The following N4BP2L2 variants were observed in gnomAD, a reference collection of about 807,000 sequenced individuals.
N4BP2L2 encodes the protein NEDD4-binding protein 2-like 2.
In N4BP2L2, 50 loss-of-function variants were observed where a neutral mutation model predicts 56.2. The observed-to-expected ratio is 0.89, with a 90% CI of 0.71 to 1.13. N4BP2L2 has a LOEUF of 1.13. N4BP2L2 is among the 50% of genes most tolerant of loss of function. The pLI is 0.00. For missense variants in N4BP2L2, 689 were observed against 693.8 expected (o/e 0.99, Z 0.08); for synonymous variants, 203 against 223.6 (o/e 0.91, Z 0.82).
At chr13:32,484,035 A>G (rs2085343970) in intron 6 of N4BP2L2, among the ~76,000 whole-genome samples, 1 of 151,630 alleles carries the variant, frequency 6.6e-6, no homozygotes, top group Non-Finnish European at 1.5e-5. Context: ...GGCCAGGCCC[A>G]GTGGTTTACA....
intron 9 of N4BP2L2, among the ~76,000 whole-genome samples, chr13:32,435,483 C>A (rs1246252674): frequency 1.3e-5 from 2 of 152,224 alleles, no homozygotes; most frequent in Non-Finnish European, 2.9e-5. Flanking sequence ...AACTGCCTGC[C>A]TCGGCCTCCC....
chr13:32,455,563 C>G (rs183494792), intron 6 of N4BP2L2, among the ~76,000 whole-genome samples: 196 of 152,312 alleles, frequency 1.3e-3, no homozygotes, highest in African/African-American at 4.5e-3. Context: ...GGTCCCTCAG[C>G]TGTCCCAAAC....
At chr13:32,490,947 C>T (rs900906870) in intron 6 of N4BP2L2, among the ~76,000 whole-genome samples, 3 of 148,090 alleles carry the variant, frequency 2.0e-5, no homozygotes, top group African/African-American at 7.5e-5. Flanking sequence ...GGTGGAAATA[C>T]AATGTTTAGT....
intron 8 of N4BP2L2, among the ~76,000 whole-genome samples, chr13:32,436,980 A>G (rs1200492948): frequency 6.6e-6 from 1 of 151,736 alleles, no homozygotes; most frequent in Non-Finnish European, 1.5e-5. Context: ...TCCTGGGCTC[A>G]AGTGATTCTC....
At chr13:32,518,041 G>T in intron 5 of N4BP2L2, 38 bp from the exon 6 acceptor site, 2 of 1,593,838 alleles carry the variant, frequency 1.3e-6, no homozygotes, top group Non-Finnish European at 8.6e-7. Context: ...CTTTGTTGCA[G>T]AATGTACAGG....
chr13:32,494,005 G>A (rs1052304981), intron 6 of N4BP2L2, among the ~76,000 whole-genome samples: 3 of 152,174 alleles, frequency 2.0e-5, no homozygotes, highest in Non-Finnish European at 4.4e-5. Context: ...AGGAGTGGTG[G>A]CTCACGCCTT....
exon 6 of N4BP2L2, chr13:32,517,803 T>G: frequency 2.5e-6 from 4 of 1,612,654 alleles, no homozygotes; most frequent in Non-Finnish European, 3.4e-6. Flanking sequence ...ATAGCTAATT[T>G]AATGATTATT....
chr13:32,504,027 C>CT (rs2090491114), intron 6 of N4BP2L2, among the ~76,000 whole-genome samples: 1 of 152,112 alleles, frequency 6.6e-6, no homozygotes, highest in Non-Finnish European at 1.5e-5. Context: ...AAAAAAGAGT[C>CT]TTGTCTAAGA....
At chr13:32,516,973 C>T in exon 6 of N4BP2L2, 5 of 975,948 alleles carry the variant, frequency 5.1e-6, no homozygotes, top group Non-Finnish European at 4.9e-6. Context: ...ATTTGCTCTA[C>T]AGAAAAATTA....
chr13:32,505,606 A>C (rs1306509195), downstream of N4BP2L2: 1 of 152,240 alleles, frequency 6.6e-6, no homozygotes, highest in Non-Finnish European at 1.5e-5. Flanking sequence ...TCAGCTAAAC[A>C]TTCAAGTTCA....
chr13:32,450,612 C>A (rs2077801070), intron 6 of N4BP2L2, among the ~76,000 whole-genome samples: 1 of 140,918 alleles, frequency 7.1e-6, no homozygotes. Flanking sequence ...GCGTGAGCCA[C>A]TGCGCCCGGC....
chr13:32,517,453 T>G, exon 6 of N4BP2L2: 1 of 1,000,106 alleles, frequency 1.0e-6, no homozygotes, highest in Non-Finnish European at 1.2e-6. Flanking sequence ...AAAGTTAGAT[T>G]TAGATATGAA....
At chr13:32,475,775 T>C (rs1316962651) in intron 6 of N4BP2L2, among the ~76,000 whole-genome samples, 2 of 152,184 alleles carry the variant, frequency 1.3e-5, no homozygotes, top group African/African-American at 4.8e-5. Context: ...GATTCCCATA[T>C]CCCTACTATC....
At chr13:32,518,150 A>G (rs2049706949) in intron 5 of N4BP2L2, 147 bp from the exon 6 acceptor site, 1 of 775,262 alleles carries the variant, frequency 1.3e-6, no homozygotes. Flanking sequence ...TTATGTAAAA[A>G]GACTTATTAA....
intron 2 of N4BP2L2, among the ~76,000 whole-genome samples, 162 bp from the exon 3 acceptor site, chr13:32,527,694 C>T (rs760221501): frequency 1.1e-4 from 16 of 151,972 alleles, no homozygotes; most frequent in Middle Eastern, 3.4e-3. Context: ...CAGACCAGCA[C>T]AAGAGCTGAA....
At chr13:32,443,902 T>A in exon 7 of N4BP2L2, 1 of 1,573,468 alleles carries the variant, frequency 6.4e-7, no homozygotes. Flanking sequence ...GACTTCATTT[T>A]GTAGACCATC....
At chr13:32,508,376 G>A (rs548671722), downstream of N4BP2L2, 3 of 152,170 alleles carry the variant, frequency 2.0e-5, no homozygotes, top group Non-Finnish European at 4.4e-5. Context: ...CAAAGAAGGC[G>A]AGGTTGAAGT....
chr13:32,500,794 T>C lies in N4BP2L2; in HGVS notation c.365+17063A>G, dbSNP rs569929222. 2.6e-5 allele frequency among the ~76,000 whole-genome samples: 4 copies of C among 151,778 alleles called. No individual in the cohort carries two copies. The South Asian group carries it at 8.3e-4, about 32-fold the overall frequency. On this transcript the variant is annotated intron_variant, in intron 6 of 9. Transcript: ENST00000357505. ...TTAAAATATTATAAATGTCGTCTTGTGCCTTCCAACATGTGCCCTCTTCCC... is the reference window on the plus strand; with the variant it reads ...TTAAAATATTATAAATGTCGTCTTGCGCCTTCCAACATGTGCCCTCTTCCC...
In N4BP2L2 at chr13:32,482,431, G is replaced by A. The variant is rs533061165; in HGVS notation, c.365+35426C>T. On this transcript the variant is annotated intron_variant, in intron 6 of 9. Coordinates refer to the N4BP2L2 transcript ENST00000357505. ...AGCTGGAGTACAGTAGTGCCATCTC[G>A]GCTCACCTCAATCTCTGCCTCCTGG... 5.3e-5 allele frequency among the ~76,000 whole-genome samples: 8 copies of A among 152,202 alleles called. No homozygotes were observed. In the South Asian group the frequency reaches 8.3e-4, roughly 16 times the overall value.
Sources: allele counts gnomAD v4.1 joint callset (sites outside exome capture counted in the v4.1 genomes callset), GRCh38; gene constraint gnomAD v4.1.1; transcripts MANE v1.5; gene names NCBI Gene and HGNC (gene_info 2026-07-23, HGNC 2026-07-21).